Variants in IGFL2 observed in about 807,000 individuals in gnomAD.
The protein encoded by IGFL2 is IGF like family member 2.
A neutral mutation model predicts 13.9 loss-of-function variants in IGFL2; 7 were observed. The observed-to-expected ratio is 0.51, with a 90% CI of 0.29 to 0.95. The LOEUF is 0.95. IGFL2 is among the 40% of genes least tolerant of loss of function. IGFL2 has a pLI of 0.08. For synonymous variants in IGFL2, 55 were observed against 55.8 expected (o/e 0.99, Z 0.07); for missense variants, 138 against 147.8 (o/e 0.93, Z 0.34).
At chr19:46,169,935 TAAATG>T in the IGFL2 span, among the ~76,000 whole-genome samples, 1 of 151,270 alleles carries the variant, frequency 6.6e-6, no homozygotes, top group African/African-American at 2.4e-5. Context: ...TGCTTTCAAA[TAAATG>T]GTACCTAGTG....
chr19:46,115,782 C>A, the IGFL2 span, among the ~76,000 whole-genome samples: 1 of 152,126 alleles, frequency 6.6e-6, no homozygotes, highest in Non-Finnish European at 1.5e-5. Flanking sequence ...AGGGAACCAG[C>A]GACAGGGATA....
the IGFL2 span, among the ~76,000 whole-genome samples, chr19:46,200,308 C>T: frequency 6.6e-6 from 1 of 152,150 alleles, no homozygotes; most frequent in African/African-American, 2.4e-5. Context: ...GCTGGGTCTA[C>T]AGGCCCATGA....
the IGFL2 span, chr19:46,194,937 A>G: frequency 2.3e-5 from 3 of 133,036 alleles, no homozygotes; most frequent in Non-Finnish European, 3.1e-5. Context: ...CTGGTTTCCA[A>G]CTCCTGGCCT....
chr19:46,137,130 A>G, the IGFL2 span: 4 of 1,609,120 alleles, frequency 2.5e-6, no homozygotes, highest in Non-Finnish European at 3.4e-6. Flanking sequence ...CCAGATGTAC[A>G]GGAATGAAAT....
intron 1 of IGFL2, among the ~76,000 whole-genome samples, chr19:46,156,631 C>T (rs1302354094): frequency 6.6e-6 from 1 of 151,920 alleles, no homozygotes; most frequent in Non-Finnish European, 1.5e-5. Context: ...ATTTATGGAA[C>T]ATATATAAAG....
At chr19:46,162,898 G>A (rs1449164085), downstream of IGFL2, among the ~76,000 whole-genome samples, 1 of 152,174 alleles carries the variant, frequency 6.6e-6, no homozygotes, top group Non-Finnish European at 1.5e-5. Flanking sequence ...TGGAGTTCTT[G>A]CATTGCTTCT....
the IGFL2 span, among the ~76,000 whole-genome samples, chr19:46,177,072 T>C: frequency 6.6e-6 from 1 of 151,962 alleles, no homozygotes; most frequent in Non-Finnish European, 1.5e-5. Context: ...TTTGTTTGAC[T>C]GGATTGTTTC....
the IGFL2 span, among the ~76,000 whole-genome samples, chr19:46,107,023 A>G: frequency 6.6e-6 from 1 of 152,218 alleles, no homozygotes; most frequent in East Asian, 1.9e-4. Flanking sequence ...AAATGTCTTG[A>G]CCTAATAAGG....
the IGFL2 span, among the ~76,000 whole-genome samples, chr19:46,130,134 T>C: frequency 6.6e-6 from 1 of 152,182 alleles, no homozygotes; most frequent in Non-Finnish European, 1.5e-5. Context: ...TTGTCTTTTT[T>C]TATCTTTGTT....
the IGFL2 span, among the ~76,000 whole-genome samples, chr19:46,099,794 G>A: frequency 6.6e-6 from 1 of 152,088 alleles, no homozygotes; most frequent in Non-Finnish European, 1.5e-5. Flanking sequence ...CCAAAGTGCT[G>A]GGATTACAGG....
chr19:46,131,907 C>T, the IGFL2 span, among the ~76,000 whole-genome samples: 5 of 152,150 alleles, frequency 3.3e-5, no homozygotes, highest in African/African-American at 9.7e-5. Flanking sequence ...CTACTGCACT[C>T]CAGCCTGGGG....
the IGFL2 span, among the ~76,000 whole-genome samples, chr19:46,119,271 C>T: frequency 6.6e-6 from 1 of 152,168 alleles, no homozygotes; most frequent in South Asian, 2.1e-4. Flanking sequence ...GGGGACAAGC[C>T]TGCCAACTGA....
the IGFL2 span, among the ~76,000 whole-genome samples, chr19:46,125,687 T>C: frequency 6.6e-6 from 1 of 152,200 alleles, no homozygotes; most frequent in South Asian, 2.1e-4. Context: ...CATTCTTAGC[T>C]TCCTGTACAT....
the IGFL2 span, among the ~76,000 whole-genome samples, chr19:46,134,705 A>T: frequency 6.6e-6 from 1 of 152,200 alleles, no homozygotes; most frequent in Admixed American, 6.5e-5. Context: ...ATCTGACAGG[A>T]GGCTATGCTT....
chr19:46,139,609 C>T (rs1213215163), upstream of IGFL2, among the ~76,000 whole-genome samples: 1 of 151,810 alleles, frequency 6.6e-6, no homozygotes, highest in Non-Finnish European at 1.5e-5. Flanking sequence ...AGGGATCAAT[C>T]CAAATGGAAC....
At chr19:46,088,069 C>T in the IGFL2 span, among the ~76,000 whole-genome samples, 1 of 152,210 alleles carries the variant, frequency 6.6e-6, no homozygotes, top group Non-Finnish European at 1.5e-5. Context: ...ATGTGGACCA[C>T]TGGGGGTCTC....
the IGFL2 span, among the ~76,000 whole-genome samples, chr19:46,106,191 G>C: frequency 1.3e-5 from 2 of 152,162 alleles, no homozygotes; most frequent in African/African-American, 4.8e-5. Context: ...AAGGTGCTGA[G>C]ATAGGTAACG....
At chr19:46,123,360 T>C in the IGFL2 span, among the ~76,000 whole-genome samples, 3 of 150,832 alleles carry the variant, frequency 2.0e-5, no homozygotes, top group African/African-American at 7.4e-5. Flanking sequence ...AATAAAAATA[T>C]GCTCAAATTT....
chr19:46,208,582 C>G, the IGFL2 span: 1 of 152,204 alleles, frequency 6.6e-6, no homozygotes, highest in African/African-American at 2.4e-5. Context: ...ACACAAATCT[C>G]ATCTCACATT....
Sources: allele counts gnomAD v4.1 joint callset (sites outside exome capture counted in the v4.1 genomes callset), GRCh38; gene constraint gnomAD v4.1.1; transcripts MANE v1.5; gene names NCBI Gene and HGNC (gene_info 2026-07-23, HGNC 2026-07-21).